EPG5: variants seen among roughly 807,000 people sequenced by gnomAD.
EPG5 encodes ectopic P granules protein 5 homolog.
In EPG5, 159 loss-of-function variants were observed where a neutral mutation model predicts 302.7. The ratio of observed to expected loss-of-function variants is 0.53; its 90% CI spans 0.46 to 0.60. EPG5 has a LOEUF of 0.60. EPG5 is among the 20% of genes least tolerant of loss of function. The pLI is 0.00. For synonymous variants in EPG5, 1,158 were observed against 1,136.8 expected (o/e 1.02, Z -0.37); for missense variants, 2,896 against 3,092.4 (o/e 0.94, Z 1.51).
intron 30 of EPG5, among the ~76,000 whole-genome samples, chr18:45,882,736 G>A (rs770077266): frequency 7.2e-5 from 11 of 152,154 alleles, no homozygotes; most frequent in Non-Finnish European, 1.2e-4. Context: ...GGTCGGGTGC[G>A]GTGGCTCACA....
chr18:45,946,588 G>C, intron 7 of EPG5, 75 bp downstream of exon 7: 1 of 1,099,140 alleles, frequency 9.1e-7, no homozygotes, highest in Non-Finnish European at 1.4e-6. Context: ...TATGTGAAAA[G>C]TGCTTAGAAC....
rs760142273 is a variant in EPG5 at position 45,930,863 on chromosome 18, G to C, written c.2258-33C>G. 2.6e-6 allele frequency: 4 copies of C among 1,547,688 alleles called. No homozygotes were observed. The African/African-American group carries it at 4.2e-5, about 16-fold the overall frequency. On this transcript the variant is annotated intron_variant, in intron 11 of 43. Coordinates refer to ENST00000282041, the MANE Select transcript of EPG5 (RefSeq NM_020964.3). ...TTCATATCAAGAAAATTAGAGTGGG[G>C]AAAGAATAAATTTATATCTTTTAAT...
In EPG5 at chr18:45,916,132, G is replaced by A. The variant is rs750634776; in HGVS notation, c.3459C>T (p.Leu1153=). Residue 1153 remains leucine, a synonymous_variant, in exon 19 of 44, where the codon CTC becomes CTT. Transcript: ENST00000282041. ...VAVLEFWVQA[L]ISQHLWYREQ... Reference sequence around the variant, plus strand: ...CTCGGTACCAGAGATGCTGGCTTATGAGAGCCTGAACCCAGAACTCCAACA... The same window carrying A: ...CTCGGTACCAGAGATGCTGGCTTATAAGAGCCTGAACCCAGAACTCCAACA... The A allele has an allele frequency of 1.2e-6, 2 of 1,614,026 alleles. No individual in the cohort carries two copies. Among genetic ancestry groups the A allele is most frequent in the Non-Finnish European group, 1.7e-6 (2 of 1,180,014 alleles).
Position 45,882,484 on chromosome 18 carries a change from C to G in EPG5, c.5308G>C (p.Asp1770His). Residue 1770 changes from aspartate to histidine, a missense_variant, in exon 31 of 44, where the codon GAT (aspartate) becomes CAT (histidine). By Grantham distance (81) the Asp-to-His change is moderately conservative (BLOSUM62 -1). This residue lies in a region of EPG5 where 790 missense variants were observed against 798.0 expected (regional missense o/e 0.99). Coordinates refer to ENST00000282041, the MANE Select transcript of EPG5 (RefSeq NM_020964.3). The stretch of plus-strand genomic sequence containing the variant: ...GTGGCGCTTAACCATTGTTTAAGAT[C>G]GAACTAAAAAGAAAAAGAAACAAAA... ...DMIFMLLTKF[D>H]LKQWLSATKP... The G allele has an allele frequency of 6.3e-7, 1 of 1,595,434 alleles. No homozygotes were observed. Among genetic ancestry groups the G allele is most frequent in the South Asian group, 1.1e-5 (1 of 87,642 alleles).
intron 26 of EPG5, among the ~76,000 whole-genome samples, chr18:45,900,126 G>C (rs2049575390): frequency 6.6e-6 from 1 of 152,206 alleles, no homozygotes; most frequent in Non-Finnish European, 1.5e-5. Flanking sequence ...TTCATGGCCT[G>C]GCGTGGTGGC....
At chr18:45,892,771 A>G (rs2049381723) in intron 27 of EPG5, among the ~76,000 whole-genome samples, 1 of 152,234 alleles carries the variant, frequency 6.6e-6, no homozygotes, top group Non-Finnish European at 1.5e-5. Flanking sequence ...ACGCTTGCAG[A>G]TAGCTGGAAA....
At chr18:45,935,076 TTTTC>T in intron 10 of EPG5, 110 bp from the exon 11 acceptor site, 1 of 1,139,962 alleles carries the variant, frequency 8.8e-7, no homozygotes, top group Non-Finnish European at 1.2e-6. Flanking sequence ...ACACTATGAT[TTTTC>T]TAATATGCTT....
Position 45,901,082 on chromosome 18 carries a change from T to C in EPG5, c.4560A>G (p.Pro1520=), listed in dbSNP as rs774190517. ...TCAATAGCACAGCAGAGGAAATAAC[T>C]GGCACAGGAGGCTTCGTCGGGTGCA... ...LALHPTKPPV[P]VISSAVLLSQ... Residue 1520 remains proline, a synonymous_variant, in exon 26 of 44, where the codon CCA becomes CCG. Transcript: ENST00000282041. 9 of 1,614,172 alleles carry C rather than the reference T, an allele frequency of 5.6e-6. No homozygotes were observed. Among genetic ancestry groups the C allele is most frequent in the East Asian group, 2.2e-5 (1 of 44,884 alleles).
downstream of EPG5, among the ~76,000 whole-genome samples, chr18:45,847,086 A>G (rs2048371302): frequency 1.3e-5 from 2 of 152,226 alleles, no homozygotes; most frequent in African/African-American, 4.8e-5. Context: ...TGAGGGAGAC[A>G]TACCCCACTC....
intron 24 of EPG5, among the ~76,000 whole-genome samples, chr18:45,907,453 G>A (rs112108539): frequency 1.5e-3 from 232 of 152,194 alleles, no homozygotes; most frequent in African/African-American, 5.4e-3. Context: ...TAGGACATAC[G>A]AAGACTGAAA....
the EPG5 span, among the ~76,000 whole-genome samples, chr18:45,810,245 C>T: frequency 6.6e-6 from 1 of 152,006 alleles, no homozygotes; most frequent in South Asian, 2.1e-4. Context: ...CAAAAAAAGG[C>T]CAGGACCAGA....
At chr18:45,962,937 G>A (rs1568194631) in intron 1 of EPG5, among the ~76,000 whole-genome samples, 1 of 152,134 alleles carries the variant, frequency 6.6e-6, no homozygotes, top group African/African-American at 2.4e-5. Context: ...GGGCCTTGCT[G>A]GTATCATGGA....
At chr18:45,956,465 T>A (rs12605783) in intron 1 of EPG5, among the ~76,000 whole-genome samples, 28,272 of 132,934 alleles carry the variant, frequency 0.21, 3,751 homozygotes, top group African/African-American at 0.41. Context: ...TTATTTATTT[T>A]TTTTTTTTTG....
chr18:45,840,135 C>T, the EPG5 span: 1 of 1,523,914 alleles, frequency 6.6e-7, no homozygotes. Flanking sequence ...TTCCACATGG[C>T]ATGGGTGGGG....
intron 28 of EPG5, 37 bp from the exon 29 acceptor site, chr18:45,887,944 A>G: frequency 4.1e-6 from 6 of 1,446,982 alleles, no homozygotes; most frequent in Non-Finnish European, 4.6e-6. Context: ...AGTCTACAGT[A>G]AAAGATTCCA....
At chr18:45,803,996 T>C in the EPG5 span, among the ~76,000 whole-genome samples, 1 of 152,284 alleles carries the variant, frequency 6.6e-6, no homozygotes, top group Middle Eastern at 3.4e-3. Context: ...ATATTGAAAT[T>C]AATAGAAATT....
chr18:45,930,538 G>A, intron 12 of EPG5, 138 bp downstream of exon 12: 1 of 581,804 alleles, frequency 1.7e-6, no homozygotes, highest in Non-Finnish European at 2.9e-6. Context: ...ATGTTCCACT[G>A]ATTCTCTATC....
chr18:45,820,005 A>G, the EPG5 span, among the ~76,000 whole-genome samples: 1 of 152,176 alleles, frequency 6.6e-6, no homozygotes, highest in Admixed American at 6.5e-5. Context: ...ATTTGCCCAA[A>G]GTCATCCTGT....
chr18:45,896,807 A>G (rs1223609209), intron 27 of EPG5, among the ~76,000 whole-genome samples: 1 of 152,162 alleles, frequency 6.6e-6, no homozygotes, highest in Non-Finnish European at 1.5e-5. Flanking sequence ...TCAACCTCCC[A>G]AAGTGCTAGG....
Sources: gnomAD v4.1 joint callset for allele counts (sites outside exome capture counted in the v4.1 genomes callset) on GRCh38, gnomAD v4.1.1 for gene constraint, gnomAD v4.1.1 regional missense constraint, MANE v1.5 for transcripts, NCBI Gene and HGNC (gene_info 2026-07-23, HGNC 2026-07-21) for gene names.